Variants in WBP11 observed in about 807,000 individuals in gnomAD.
WBP11 encodes the protein WW domain-binding protein 11.
A neutral mutation model predicts 66.7 loss-of-function variants in WBP11; 12 were observed. That is an observed-to-expected ratio of 0.18 (90% CI 0.12 to 0.29). WBP11 has a LOEUF of 0.29. Among genes scored for constraint, WBP11 ranks in the 10% least tolerant of loss-of-function variants. WBP11 has a pLI of 1.00. For missense variants in WBP11, 555 were observed against 818.3 expected (o/e 0.68, Z 3.93); for synonymous variants, 255 against 273.8 (o/e 0.93, Z 0.68).
At position 14,793,715 on chromosome 12, in the gene WBP11, C is replaced by CT. The variant is rs1565673089; in HGVS notation, c.913+15dup. The CT allele has an allele frequency of 2.5e-6, 4 of 1,611,140 alleles. No individual in the cohort carries two copies. The East Asian group carries it at 8.9e-5, about 36-fold the overall frequency. ...TCTTTATTGATCAATACCATGAATC[C>CT]TTCATCTGCACATACCTGACTTCTT... On this transcript the variant is annotated intron_variant, in intron 8 of 11. Coordinates refer to ENST00000261167, the MANE Select transcript of WBP11 (RefSeq NM_016312.3).
chr12:14,795,995 G>C (rs1315894939), intron 5 of WBP11, among the ~76,000 whole-genome samples: 7 of 151,860 alleles, frequency 4.6e-5, no homozygotes, highest in African/African-American at 1.7e-4. Flanking sequence ...AGTAAGTTTT[G>C]ACAAATGCAT....
At chr12:14,802,742 G>A (rs888909044) in intron 1 of WBP11, among the ~76,000 whole-genome samples, 3 of 152,072 alleles carry the variant, frequency 2.0e-5, no homozygotes, top group Non-Finnish European at 4.4e-5. Context: ...AGGTAGGGAA[G>A]GAGGAAAACA....
Position 14,787,363 on chromosome 12 carries a change from C to G in WBP11, c.1628G>C (p.Arg543Pro), listed in dbSNP as rs146794656. 1 of 1,607,768 alleles carries G rather than the reference C, an allele frequency of 6.2e-7. No homozygotes were observed. The highest frequency in any genetic ancestry group is 1.3e-5 in the African/African-American group (1 of 74,802). Reference protein sequence around the residue: ...VLSAPPNLIQRPKADDTSAAT... With the variant: ...VLSAPPNLIQPPKADDTSAAT... Reference sequence around the variant, plus strand: ...TGCACTTGTATCATCCGCCTTGGGTCGCTGAATCAAGTTGGGTGGGGCACT... The same window carrying G: ...TGCACTTGTATCATCCGCCTTGGGTGGCTGAATCAAGTTGGGTGGGGCACT... The change falls in exon 12 of 12, where the codon CGA (arginine) becomes CCA (proline). Residue 543 changes from arginine (R) to proline (P), a missense_variant. Physicochemically the swap from Arg to Pro is moderately radical, Grantham distance 103. Around this residue, in one of 6 missense-constraint regions of WBP11, gnomAD observed 230 missense variants for 286.3 expected, o/e 0.80. Coordinates refer to ENST00000261167, the MANE Select transcript of WBP11 (RefSeq NM_016312.3).
At chr12:14,801,595 T>C (rs1464843956) in intron 1 of WBP11, among the ~76,000 whole-genome samples, 167 bp from the exon 2 acceptor site, 2 of 152,202 alleles carry the variant, frequency 1.3e-5, no homozygotes, top group Non-Finnish European at 2.9e-5. Flanking sequence ...ATCACCTTTC[T>C]TGACCATGAA....
Position 14,789,142 on chromosome 12 carries a change from A to C in WBP11, c.1310-9T>G. On this transcript the variant is annotated splice_polypyrimidine_tract_variant and intron_variant, in intron 10 of 11. Transcript: ENST00000261167. ...CAGGAATGGAGGAGCTCCTGAAAAG[A>C]GAAAAATGATAAATTAATGTCACAC... 6 of 1,531,016 alleles carry C rather than the reference A, an allele frequency of 3.9e-6. No individual in the cohort carries two copies. The highest frequency in any genetic ancestry group is 5.2e-6 in the Non-Finnish European group (6 of 1,149,648). The allele number at this position is 1,531,016 out of a possible 1,614,324, so 94.8% of individuals were successfully genotyped here.
Position 14,801,054 on chromosome 12 carries a change from A to G in WBP11, c.64+266T>C, listed in dbSNP as rs187651404. ...ATAAAACGCGAAACAAGGGCTCGCA[A>G]AACTAATTTGCTCAAAATTTCCAAT... On this transcript the variant is annotated intron_variant, in intron 2 of 11. Transcript: ENST00000261167. The G allele has an allele frequency of 3.2e-4, 152 of 467,692 alleles. 2 individuals are homozygous for G. The Admixed American group carries it at 5.6e-3, about 17-fold the overall frequency. The allele number at this position is 467,692 out of a possible 1,614,324, so 29.0% of individuals were successfully genotyped here.
chr12:14,793,648 C>G, intron 8 of WBP11, 83 bp downstream of exon 8: 1 of 1,483,316 alleles, frequency 6.7e-7, no homozygotes, highest in Non-Finnish European at 9.2e-7. Flanking sequence ...TCAGAGTACT[C>G]TCACAGATTC....
In WBP11 at chr12:14,794,773, C is replaced by T. The variant is rs771264742; in HGVS notation, c.522-37G>A. The T allele has an allele frequency of 4.6e-6, 7 of 1,532,066 alleles. No homozygotes were observed. The Admixed American group carries it at 1.1e-4, about 25-fold the overall frequency. 94.9% of individuals were successfully genotyped at this position (1,532,066 alleles called of 1,614,324 possible). On this transcript the variant is annotated intron_variant, in intron 6 of 11. Transcript: ENST00000261167. The stretch of plus-strand genomic sequence containing the variant: ...AAAAACAAAAACAAAAAAACCCCCA[C>T]AGTAATCACTTAACAGTAATGAGAT...
chr12:14,788,194 G>A (rs567413100), intron 11 of WBP11, among the ~76,000 whole-genome samples: 4 of 152,188 alleles, frequency 2.6e-5, no homozygotes, highest in East Asian at 1.9e-4. Context: ...AGCTCAGATC[G>A]CGCCATTGCA....
Position 14,801,446 on chromosome 12 carries a change from A to G in WBP11, c.-45-18T>C, listed in dbSNP as rs1261941196. The G allele has an allele frequency of 6.7e-7, 1 of 1,493,312 alleles. No homozygotes were observed. Among genetic ancestry groups the G allele is most frequent in the Non-Finnish European group, 9.3e-7 (1 of 1,075,340 alleles). The allele number at this position is 1,493,312 out of a possible 1,614,324, so 92.5% of individuals were successfully genotyped here. Reference sequence around the variant, plus strand: ...AGAAAAACCTGTGAAGGTGAAGACAAAGAAATAGCTTATATCTCCTAAATG... The same window carrying G: ...AGAAAAACCTGTGAAGGTGAAGACAGAGAAATAGCTTATATCTCCTAAATG... On this transcript the variant is annotated intron_variant, in intron 1 of 11. Coordinates refer to ENST00000261167, the MANE Select transcript of WBP11 (RefSeq NM_016312.3).
chr12:14,798,459 C>A (rs542705178), intron 4 of WBP11, among the ~76,000 whole-genome samples: 1 of 152,178 alleles, frequency 6.6e-6, no homozygotes, highest in Admixed American at 6.5e-5. Context: ...TTTAAAACAA[C>A]ACATAACATT....
intron 8 of WBP11, 111 bp downstream of exon 8, chr12:14,793,620 T>A: frequency 1.5e-6 from 2 of 1,312,492 alleles, no homozygotes; most frequent in Non-Finnish European, 2.1e-6. Flanking sequence ...ACAGCTATGA[T>A]CCCGACTTCC....
At chr12:14,790,838 A>C (rs1391179159) in intron 9 of WBP11, 89 bp from the exon 10 acceptor site, 5 of 1,277,528 alleles carry the variant, frequency 3.9e-6, no homozygotes, top group Admixed American at 2.3e-5. Flanking sequence ...ATGGTTAATA[A>C]ATGTGTTCTC....
In WBP11 at chr12:14,795,428, T is replaced by C. The variant is rs1208390971; in HGVS notation, c.388-324A>G. Among the ~76,000 whole-genome samples, 4 of 152,194 alleles carry C rather than the reference T, an allele frequency of 2.6e-5. 1 individual carries two copies. The Middle Eastern group carries it at 0.014, about 521-fold the overall frequency. ...AGCACCAGAACTACCCTATTTAACA[T>C]GTGATAGAAAAATACATGTCAGGCT... On this transcript the variant is annotated intron_variant, in intron 5 of 11. Coordinates refer to ENST00000261167, the MANE Select transcript of WBP11 (RefSeq NM_016312.3).
At chr12:14,792,492 C>T (rs1448132993) in intron 8 of WBP11, among the ~76,000 whole-genome samples, 1 of 141,728 alleles carries the variant, frequency 7.1e-6, no homozygotes, top group African/African-American at 2.5e-5. Flanking sequence ...AGTATCAACT[C>T]AGAGTTGGGA....
rs1949752342 is a variant in WBP11 at position 14,786,169 on chromosome 12, T to C, written c.*896A>G. ...AAAATGACTTTTGCCATTCAACTCG[T>C]ATCAGTTCAAGAAGCTCTGGAATAA... On this transcript the variant is annotated 3_prime_UTR_variant, in exon 12 of 12. Coordinates refer to ENST00000261167, the MANE Select transcript of WBP11 (RefSeq NM_016312.3). 1 of 152,216 alleles carries C rather than the reference T, an allele frequency of 6.6e-6. No homozygotes were observed. Among genetic ancestry groups the C allele is most frequent in the African/African-American group, 2.4e-5 (1 of 41,472 alleles). 9.4% of individuals were successfully genotyped at this position (152,216 alleles called of 1,614,324 possible).
At chr12:14,790,869 C>G (rs1322861739) in intron 9 of WBP11, 120 bp from the exon 10 acceptor site, 1 of 969,712 alleles carries the variant, frequency 1.0e-6, no homozygotes, top group Non-Finnish European at 1.5e-6. Flanking sequence ...ACCAAATAGT[C>G]TTCTTCAATA....
chr12:14,790,444 G>T lies in WBP11; in HGVS notation c.1309+12C>A. 1 of 1,612,758 alleles carries T rather than the reference G, an allele frequency of 6.2e-7. No individual in the cohort carries two copies. Among genetic ancestry groups the T allele is most frequent in the Admixed American group, 1.7e-5 (1 of 59,890 alleles). On this transcript the variant is annotated intron_variant, in intron 10 of 11. Coordinates refer to ENST00000261167, the MANE Select transcript of WBP11 (RefSeq NM_016312.3). ...CTCATTTAAACTTTATTCACATTAT[G>T]TAAGTGTTTACCTGGAGGTGGACCA... is the stretch of plus-strand genomic sequence containing the variant.
At chr12:14,788,097 GGCGTGGTGGTGCAC>G (rs1385361056) in intron 11 of WBP11, among the ~76,000 whole-genome samples, 1 of 152,020 alleles carries the variant, frequency 6.6e-6, no homozygotes, top group East Asian at 1.9e-4. Flanking sequence ...AAATTAGCTG[GGCGTGGTGGTGCAC>G]GCCTGTAATC....
Sources: gnomAD v4.1 joint callset for allele counts (sites outside exome capture counted in the v4.1 genomes callset) on GRCh38, gnomAD v4.1.1 for gene constraint, gnomAD v4.1.1 regional missense constraint, MANE v1.5 for transcripts, NCBI Gene and HGNC (gene_info 2026-07-23, HGNC 2026-07-21) for gene names.